TENM4: variants seen among roughly 807,000 people sequenced by gnomAD.
TENM4 encodes teneurin transmembrane protein 4.
Under a neutral mutation model 243.3 loss-of-function variants are expected in TENM4, and 82 were observed. That is an observed-to-expected ratio of 0.34 (90% CI 0.28 to 0.40). The LOEUF is 0.40. Ranked by LOEUF, TENM4 falls within the 10% of genes least tolerant of loss-of-function variation. The pLI is 1.00. For missense variants in TENM4, 3,138 were observed against 3,673.3 expected (o/e 0.85, Z 3.77); for synonymous variants, 1,412 against 1,456.3 (o/e 0.97, Z 0.69).
intron 6 of TENM4, among the ~76,000 whole-genome samples, chr11:78,932,202 A>G (rs1856683476): frequency 6.6e-6 from 1 of 152,206 alleles, no homozygotes; most frequent in African/African-American, 2.4e-5. Context: ...GCTGTCTGTC[A>G]AAGTCCCAGA....
chr11:79,131,344 T>C (rs189015743), intron 4 of TENM4, among the ~76,000 whole-genome samples: 6 of 152,248 alleles, frequency 3.9e-5, no homozygotes, highest in Non-Finnish European at 8.8e-5. Flanking sequence ...GCAGAAACCA[T>C]ACAAGCCAGA....
intron 1 of TENM4, among the ~76,000 whole-genome samples, chr11:79,341,314 T>A (rs1284098289): frequency 6.6e-6 from 1 of 152,154 alleles, no homozygotes. Flanking sequence ...TCCTCTGGGA[T>A]CCCTTGCAAC....
intron 12 of TENM4, among the ~76,000 whole-genome samples, chr11:78,832,142 G>A (rs1434734917): frequency 1.3e-5 from 2 of 152,174 alleles, no homozygotes; most frequent in South Asian, 2.1e-4. Flanking sequence ...GAGGTTTCCC[G>A]CATACTTCAA....
chr11:79,375,864 G>T (rs903403988), intron 1 of TENM4, among the ~76,000 whole-genome samples: 2 of 152,164 alleles, frequency 1.3e-5, no homozygotes, highest in Non-Finnish European at 2.9e-5. Context: ...CTAGAAGGGG[G>T]CGGTGTGGCT....
chr11:79,250,709 T>G (rs746551812), intron 2 of TENM4, among the ~76,000 whole-genome samples: 6 of 152,238 alleles, frequency 3.9e-5, no homozygotes, highest in Non-Finnish European at 7.3e-5. Context: ...AATCATCCCA[T>G]GCTTCTAGTT....
At position 78,759,457 on chromosome 11, in the gene TENM4, A is replaced by G. The variant is rs558022368; in HGVS notation, c.2540-2436T>C. Among the ~76,000 whole-genome samples the G allele has an allele frequency of 3.9e-5, 6 of 152,360 alleles. 1 individual carries two copies. In the South Asian group the frequency reaches 1.2e-3, roughly 32 times the overall value. ...CAGCTAGCACAATTGAAGGGCCGTG[A>G]AAAGTCATGGCTAATTTGAAATTTT... On this transcript the variant is annotated intron_variant, in intron 18 of 33. Coordinates refer to ENST00000278550, the MANE Select transcript of TENM4 (RefSeq NM_001098816.3).
chr11:79,292,725 C>T (rs1442114013), intron 2 of TENM4, among the ~76,000 whole-genome samples: 1 of 152,256 alleles, frequency 6.6e-6, no homozygotes, highest in African/African-American at 2.4e-5. Context: ...GGGTCCCATT[C>T]CCAGCTCAGC....
At chr11:79,321,070 G>A (rs907023247) in intron 1 of TENM4, among the ~76,000 whole-genome samples, 9 of 152,216 alleles carry the variant, frequency 5.9e-5, no homozygotes, top group Admixed American at 3.3e-4. Context: ...GTAGAAGGAG[G>A]CCTAGCTTCA....
At position 78,854,214 on chromosome 11, in the gene TENM4, G is replaced by A; in HGVS notation, c.1571C>T (p.Ser524Phe). Reference sequence around the variant, plus strand: ...CTGGATGAAGCCTGTCTCATGGCTGGAGGGGGGCACAGTTCCCCGAGACTG... The same window carrying A: ...CTGGATGAAGCCTGTCTCATGGCTGAAGGGGGGCACAGTTCCCCGAGACTG... ...PRQSRGTVPP[S>F]SHETGFIQYL... The change falls in exon 12 of 34, where the codon TCC (serine) becomes TTC (phenylalanine). Residue 524 changes from serine (S) to phenylalanine (F), a missense_variant. Ser to Phe is a radical substitution (Grantham distance 155). This residue lies in a region of TENM4 where 2,467 missense variants were observed against 3,059.1 expected (regional missense o/e 0.81). Transcript: ENST00000278550. 1.3e-6 allele frequency: 2 copies of A among 1,551,640 alleles called. No homozygotes were observed. The highest frequency in any genetic ancestry group is 1.7e-6 in the Non-Finnish European group (2 of 1,146,946).
intron 1 of TENM4, among the ~76,000 whole-genome samples, chr11:79,357,675 T>C (rs1367321531): frequency 1.3e-5 from 2 of 152,216 alleles, no homozygotes; most frequent in East Asian, 1.9e-4. Flanking sequence ...GTATTGCCCA[T>C]AGTACAGCAG....
At chr11:78,938,230 C>T (rs1240182080) in intron 6 of TENM4, among the ~76,000 whole-genome samples, 1 of 152,218 alleles carries the variant, frequency 6.6e-6, no homozygotes, top group African/African-American at 2.4e-5. Context: ...TATATTCTGC[C>T]TGCTGGCACC....
chr11:78,713,720 A>G (rs927894910), intron 25 of TENM4, among the ~76,000 whole-genome samples: 2 of 152,232 alleles, frequency 1.3e-5, no homozygotes, highest in Non-Finnish European at 1.5e-5. Flanking sequence ...GTAGATGCTC[A>G]ATAATAATTA....
intron 7 of TENM4, among the ~76,000 whole-genome samples, chr11:78,900,287 G>T (rs962955971): frequency 6.6e-6 from 1 of 152,212 alleles, no homozygotes; most frequent in Non-Finnish European, 1.5e-5. Context: ...TGAAGGTCTT[G>T]GTCCATAGCT....
chr11:79,321,348 C>T (rs1224102382), intron 1 of TENM4, among the ~76,000 whole-genome samples: 1 of 152,206 alleles, frequency 6.6e-6, no homozygotes, highest in Non-Finnish European at 1.5e-5. Context: ...TAAACAGCCT[C>T]AAACGCTTCC....
rs561569841 is a variant in TENM4, at chr11:78,848,972, G to T, written c.1681+5132C>A. 1.3e-4 allele frequency among the ~76,000 whole-genome samples: 20 copies of T among 152,230 alleles called. No individual in the cohort carries two copies. In the South Asian group the frequency reaches 4.2e-3, roughly 32 times the overall value. On this transcript the variant is annotated intron_variant, in intron 12 of 33. Coordinates refer to ENST00000278550, the MANE Select transcript of TENM4 (RefSeq NM_001098816.3). Reference sequence around the variant, plus strand: ...CTTCTCTTCAATGAGCACCAGAGAGGCCAGAGCAAGTTTCTCGTAAAAATT... The same window carrying T: ...CTTCTCTTCAATGAGCACCAGAGAGTCCAGAGCAAGTTTCTCGTAAAAATT...
At chr11:79,432,196 T>A (rs1055832082) in intron 1 of TENM4, among the ~76,000 whole-genome samples, 13 of 152,206 alleles carry the variant, frequency 8.5e-5, no homozygotes, top group Admixed American at 6.5e-4. Flanking sequence ...GTCTTCTAAT[T>A]CCACCTACTT....
At chr11:79,335,175 C>T (rs1857127113) in intron 1 of TENM4, among the ~76,000 whole-genome samples, 1 of 152,166 alleles carries the variant, frequency 6.6e-6, no homozygotes, top group South Asian at 2.1e-4. Flanking sequence ...TCTAGAAGTA[C>T]AAGTGTATGG....
intron 3 of TENM4, among the ~76,000 whole-genome samples, chr11:79,155,291 T>C (rs926399594): frequency 4.6e-5 from 7 of 151,954 alleles, no homozygotes; most frequent in Non-Finnish European, 7.4e-5. Flanking sequence ...TCACAACCTG[T>C]TTCTAGGGCA....
Position 78,654,545 on chromosome 11 carries a change from G to GACT in TENM4, c.*3512_*3513insAGT, listed in dbSNP as rs2135600855. On this transcript the variant is annotated 3_prime_UTR_variant, in exon 34 of 34. Transcript: ENST00000278550. ...TTCTGTGTCTACAAAACACTGCCCA[G>GACT]TCTGCCTTGCCATCATCTTCTGTGC... 6.6e-6 allele frequency: 1 copy of GACT among 152,296 alleles called. No homozygotes were observed. Among genetic ancestry groups the GACT allele is most frequent in the Non-Finnish European group, 1.5e-5 (1 of 68,044 alleles). 9.4% of individuals were successfully genotyped at this position (152,296 alleles called of 1,614,324 possible).
Sources: allele counts gnomAD v4.1 joint callset (sites outside exome capture counted in the v4.1 genomes callset), GRCh38; gene constraint gnomAD v4.1.1; regional missense constraint gnomAD v4.1.1; transcripts MANE v1.5; gene names NCBI Gene and HGNC (gene_info 2026-07-23, HGNC 2026-07-21).